KIF12: variants seen among roughly 807,000 people sequenced by gnomAD.
KIF12 encodes kinesin-like protein KIF12.
KIF12 carries 80 observed loss-of-function variants against 87.9 expected under a neutral mutation model. The observed-to-expected ratio is 0.91, with a 90% CI of 0.76 to 1.10. KIF12 has a LOEUF of 1.10. KIF12 is among the 50% of genes least tolerant of loss of function. KIF12 has a pLI of 0.00. For synonymous variants in KIF12, 353 were observed against 348.5 expected, an observed-to-expected ratio of 1.01 and a Z score of -0.14; for missense variants, 819 against 865.3, an observed-to-expected ratio of 0.95 and a Z score of 0.67.
chr9:114,097,728 G>A lies in KIF12; in HGVS notation c.389C>T (p.Pro130Leu), dbSNP rs1009801268. 1 of 1,613,680 alleles carries A rather than the reference G, an allele frequency of 6.2e-7. No individual in the cohort carries two copies. Among genetic ancestry groups the A allele is most frequent in the African/African-American group, 1.3e-5 (1 of 74,918 alleles). Residue 130 changes from proline (P) to leucine (L), a missense_variant, in exon 6 of 19, where the codon CCT becomes CTT. Pro to Leu is a moderately conservative substitution (Grantham distance 98). Coordinates refer to ENST00000640217, the MANE Select transcript of KIF12 (RefSeq NM_001388308.1). Reference protein sequence around the residue: ...TGPPPQGEGVPVPPSLAGIMQ... With the variant: ...TGPPPQGEGVLVPPSLAGIMQ... The stretch of plus-strand genomic sequence containing the variant: ...GATGCCAGCCAGGCTGGGGGGTACA[G>A]GCACCCCCTCCCCCTAGGGGCAAAA...
At position 114,092,425 on chromosome 9, in the gene KIF12, C is replaced by T. The variant is rs764888900; in HGVS notation, c.1724G>A (p.Arg575Gln). The change falls in exon 18 of 19, where the codon CGA becomes CAA. Residue 575 changes from arginine to glutamine, a missense_variant. By Grantham distance (43) the Arg-to-Gln change is conservative. Coordinates refer to ENST00000640217, the MANE Select transcript of KIF12 (RefSeq NM_001388308.1). ...CTCCGTCAACATCTCTGCCAGGACTCGGGTCTGAGTCCAGTCACTGTGACT... is the reference window on the plus strand; with the variant it reads ...CTCCGTCAACATCTCTGCCAGGACTTGGGTCTGAGTCCAGTCACTGTGACT... ...ERSHSDWTQTRVLAEMLTEEE... is the reference protein window; with the variant it reads ...ERSHSDWTQTQVLAEMLTEEE... The T allele has an allele frequency of 1.3e-5, 21 of 1,613,462 alleles. No homozygotes were observed. In the Admixed American group the frequency reaches 1.5e-4, roughly 12 times the overall value.
rs2134881353 is a variant in KIF12 at position 114,093,496 on chromosome 9, GC to G, written c.1401del (p.Arg467SerfsTer16). On this transcript the variant is annotated frameshift_variant and splice_region_variant, in exon 15 of 19. Coordinates refer to ENST00000640217, the MANE Select transcript of KIF12 (RefSeq NM_001388308.1). LOFTEE classifies it high-confidence loss of function. ...TGATGGTAGCAGGCAGAGAGGAGAC[GC>G]CTAGAAAGAACAGCAGGGTCTATGC... ...ILAQQVHALE[R>X]RLLSACYHHQ... is the part of the protein sequence containing the mutation. 1 of 1,555,152 alleles carries G rather than the reference GC, an allele frequency of 6.4e-7. No individual in the cohort carries two copies. Among genetic ancestry groups the G allele is most frequent in the East Asian group, 2.4e-5 (1 of 41,482 alleles).
chr9:114,092,100 G>A, intron 18 of KIF12, 100 bp from the exon 19 acceptor site: 1 of 1,468,156 alleles, frequency 6.8e-7, no homozygotes, highest in South Asian at 1.4e-5. Context: ...CAGGGGGTAG[G>A]TACCCTCCAC....
At chr9:114,097,830 T>C in intron 5 of KIF12, 89 bp from the exon 6 acceptor site, 1 of 1,418,302 alleles carries the variant, frequency 7.1e-7, no homozygotes, top group South Asian at 1.3e-5. Context: ...CCGGGAAACG[T>C]GCCAAGTTCC....
rs1434565903 is a variant in KIF12 at position 114,097,213 on chromosome 9, G to A, written c.646+88C>T. The stretch of plus-strand genomic sequence containing the variant: ...CCCAGGAATCATTTCTGAAGCTGCA[G>A]CTGCAGTCTGGGCCCCAAGTCCACA... On this transcript the variant is annotated intron_variant, in intron 7 of 18. Transcript: ENST00000640217. 3.4e-6 allele frequency: 5 copies of A among 1,489,316 alleles called. No individual in the cohort carries two copies. In the African/African-American group the frequency reaches 7.2e-5, roughly 21 times the overall value. 92.3% of individuals were successfully genotyped at this position (1,489,316 alleles called of 1,614,324 possible). A position where few individuals can be genotyped will look rare whatever the true frequency, so the allele number is the denominator to read the frequency against.
chr9:114,094,493 T>C (rs1389104748), intron 11 of KIF12, 38 bp from the exon 12 acceptor site: 4 of 1,328,354 alleles, frequency 3.0e-6, no homozygotes, highest in Middle Eastern at 3.7e-4. Context: ...TTTATGGTTG[T>C]ATAAGTCGTG....
At chr9:114,097,160 T>C (rs1847265971) in intron 7 of KIF12, 141 bp downstream of exon 7, 1 of 1,126,890 alleles carries the variant, frequency 8.9e-7, no homozygotes, top group Non-Finnish European at 1.2e-6. Flanking sequence ...GCCTTTGAAT[T>C]GTGGTTTACT....
At chr9:114,097,189 C>G in intron 7 of KIF12, 112 bp downstream of exon 7, 2 of 1,392,782 alleles carry the variant, frequency 1.4e-6, no homozygotes, top group Non-Finnish European at 1.9e-6. Flanking sequence ...CCCACCTCCC[C>G]CAGGAATCAT....
chr9:114,099,017 G>A lies in KIF12; in HGVS notation c.93-4C>T, dbSNP rs1351408234. 6.5e-7 allele frequency: 1 copy of A among 1,550,320 alleles called. No individual in the cohort carries two copies. Among genetic ancestry groups the A allele is most frequent in the African/African-American group, 1.4e-5 (1 of 73,106 alleles). ...GGCCGCGCTCATGGGACGTACCCTG[G>A]GGTCCGACAGAAGGGCAGATGGTAC... On this transcript the variant is annotated splice_polypyrimidine_tract_variant and splice_region_variant and intron_variant, in intron 2 of 18. Transcript: ENST00000640217.
intron 7 of KIF12, among the ~76,000 whole-genome samples, 170 bp downstream of exon 7, chr9:114,097,131 G>A (rs754563317): frequency 7.9e-5 from 12 of 150,956 alleles, no homozygotes; most frequent in Admixed American, 5.9e-4. Flanking sequence ...TTGGCAGTGC[G>A]GGGAGGCCCT....
chr9:114,098,410 C>T lies in KIF12; in HGVS notation c.191G>A (p.Gly64Asp), dbSNP rs1345551666. The T allele has an allele frequency of 6.6e-7, 1 of 1,510,358 alleles. No homozygotes were observed. The allele number at this position is 1,510,358 out of a possible 1,614,324, so 93.6% of individuals were successfully genotyped here. A position where few individuals can be genotyped will look rare whatever the true frequency, so the allele number is the denominator to read the frequency against. The change falls in exon 4 of 19, where the codon GGT becomes GAT. Residue 64 changes from glycine to aspartate, a missense_variant. Physicochemically the swap from Gly to Asp is moderately conservative, Grantham distance 94 (BLOSUM62 -1). Coordinates refer to ENST00000640217, the MANE Select transcript of KIF12 (RefSeq NM_001388308.1). ...ACCGAAGCGGAACGCCACTTCTGGA[C>T]CCCCGCCTGGAGGACTCACCTGGCG... The part of the protein sequence containing the change: ...RTLQVSPPGG[G>D]PEVAFRFGAV...
Position 114,093,416 on chromosome 9 carries a change from G to A in KIF12, c.1482C>T (p.Pro494=). The part of the protein sequence containing the change: ...PPCPCLMAPA[P]PCHALPPLYS... Reference sequence around the variant, plus strand: ...GGGCCGTGAGACTCACATGGCAAGGGGGAGCTGGGGCCATCAAGCAGGGAC... The same window carrying A: ...GGGCCGTGAGACTCACATGGCAAGGAGGAGCTGGGGCCATCAAGCAGGGAC... The change falls in exon 15 of 19, where the codon CCC becomes CCT. Residue 494 remains proline (P), a synonymous_variant. Transcript: ENST00000640217. 3 of 1,566,336 alleles carry A rather than the reference G, an allele frequency of 1.9e-6. No homozygotes were observed. The highest frequency in any genetic ancestry group is 2.6e-6 in the Non-Finnish European group (3 of 1,155,064).
In KIF12 at chr9:114,092,538, C is replaced by T. The variant is rs2134876394; in HGVS notation, c.1697+4G>A. On this transcript the variant is annotated splice_donor_region_variant and intron_variant, in intron 17 of 18. Transcript: ENST00000640217. ...CTGACCTCAGTGCCCCAGGAGAGAC[C>T]CACCTCTCTCTTGGGCACTTGGCAG... The T allele has an allele frequency of 6.2e-7, 1 of 1,612,694 alleles. No homozygotes were observed. Among genetic ancestry groups the T allele is most frequent in the East Asian group, 2.2e-5 (1 of 44,846 alleles).
rs1236839531 is a variant in KIF12, at chr9:114,098,941, A to G, written c.165T>C (p.Thr55=). 1.2e-5 allele frequency: 19 copies of G among 1,548,372 alleles called. No homozygotes were observed. The highest frequency in any genetic ancestry group is 1.5e-5 in the Non-Finnish European group (17 of 1,145,740). ...QSVLHCSGTR[T]LQVSPPGGGP... ...AGAGAGAGGGGTTCCTCACCTGCAG[A>G]GTCCGGGTCCCTGAGCAGTGCAGCA... is the stretch of plus-strand genomic sequence containing the variant. Residue 55 remains threonine, a synonymous_variant, in exon 3 of 19, where the codon ACT becomes ACC. Coordinates refer to ENST00000640217, the MANE Select transcript of KIF12 (RefSeq NM_001388308.1).
intron 3 of KIF12, 63 bp from the exon 4 acceptor site, chr9:114,098,492 G>A (rs1847337402): frequency 3.8e-6 from 5 of 1,329,568 alleles, no homozygotes; most frequent in Non-Finnish European, 4.9e-6. Context: ...CTGGAGGGGC[G>A]GGGCACCGTG....
At position 114,096,510 on chromosome 9, in the gene KIF12, G is replaced by C. The variant is rs748990609; in HGVS notation, c.647-32C>G. The C allele has an allele frequency of 7.1e-6, 11 of 1,540,312 alleles. No individual in the cohort carries two copies. In the African/African-American group the frequency reaches 1.5e-4, roughly 21 times the overall value. ...GGGAAAAACATCAGGAGCTGGACCT[G>C]GTAGGAAGAACAGGTCATCATCAAT... On this transcript the variant is annotated intron_variant, in intron 7 of 18. Coordinates refer to ENST00000640217, the MANE Select transcript of KIF12 (RefSeq NM_001388308.1).
Position 114,098,529 on chromosome 9 carries a change from G to A in KIF12, c.172-100C>T, listed in dbSNP as rs552546464. On this transcript the variant is annotated intron_variant, in intron 3 of 18. Transcript: ENST00000640217. Reference sequence around the variant, plus strand: ...AGGAGGGCGGGGCACGCGGGAGGAGGGCGGGGCACTCTGGAGGAGGGCGGG... The same window carrying A: ...AGGAGGGCGGGGCACGCGGGAGGAGAGCGGGGCACTCTGGAGGAGGGCGGG... 7 of 917,056 alleles carry A rather than the reference G, an allele frequency of 7.6e-6. No homozygotes were observed. In the Admixed American group the frequency reaches 1.7e-4, roughly 23 times the overall value. The allele number at this position is 917,056 out of a possible 1,614,324, so 56.8% of individuals were successfully genotyped here. A position where few individuals can be genotyped will look rare whatever the true frequency, so the allele number is the denominator to read the frequency against.
In KIF12 at chr9:114,096,804, CCA is replaced by C. The variant is rs375861120; in HGVS notation, c.647-328_647-327del. Among the ~76,000 whole-genome samples the C allele has an allele frequency of 2.8e-4, 42 of 152,286 alleles. No individual in the cohort carries two copies. In the East Asian group the frequency reaches 7.3e-3, roughly 27 times the overall value. On this transcript the variant is annotated intron_variant, in intron 7 of 18. Transcript: ENST00000640217. The stretch of plus-strand genomic sequence containing the variant: ...TGTGGCACAGTGCTGGGGCCAGAAT[CCA>C]CAGTCAGCATCTCCAGTGCCTGCCA...
At chr9:114,094,094 G>C in intron 13 of KIF12, 87 bp downstream of exon 13, 2 of 1,468,252 alleles carry the variant, frequency 1.4e-6, no homozygotes, top group African/African-American at 2.8e-5. Flanking sequence ...AGGGAGCCAG[G>C]GGCAGGGAGA....
Sources: gnomAD v4.1 joint callset for allele counts (sites outside exome capture counted in the v4.1 genomes callset) on GRCh38, gnomAD v4.1.1 for gene constraint, MANE v1.5 for transcripts, NCBI Gene and HGNC (gene_info 2026-07-23, HGNC 2026-07-21) for gene names.